CABCOCO1: variants seen among roughly 807,000 people sequenced by gnomAD.
CABCOCO1 encodes ciliary associated calcium binding coiled-coil 1.
A neutral mutation model predicts 35.7 loss-of-function variants in CABCOCO1; 28 were observed. The observed-to-expected ratio is 0.78, with a 90% CI of 0.58 to 1.07. The LOEUF (loss-of-function observed/expected upper bound fraction) is 1.07, where lower values mean the gene tolerates loss of function less well. Among genes scored for constraint, CABCOCO1 ranks in the 50% least tolerant of loss-of-function variants. The probability of loss-of-function intolerance (pLI) is 0.00; values close to 1 mark genes in which losing one functional copy is unlikely to be tolerated. For synonymous variants in CABCOCO1, 95 were observed against 100.1 expected, an observed-to-expected ratio of 0.95 and a Z score of 0.30; for missense variants, 326 against 309.2, an observed-to-expected ratio of 1.05 and a Z score of -0.41.
At chr10:61,695,357 GT>G (rs1840267970) in intron 5 of CABCOCO1, among the ~76,000 whole-genome samples, 1 of 151,824 alleles carries the variant, frequency 6.6e-6, no homozygotes, top group Non-Finnish European at 1.5e-5. Context: ...CAGAAACTGG[GT>G]AAGAGAGTAT....
intron 3 of CABCOCO1, among the ~76,000 whole-genome samples, chr10:61,681,671 C>A (rs1351572470): frequency 6.6e-6 from 1 of 152,008 alleles, no homozygotes; most frequent in Non-Finnish European, 1.5e-5. Flanking sequence ...TTAGCTATCT[C>A]TAAAATAGAA....
At chr10:61,667,135 C>G (rs1447193532) in intron 1 of CABCOCO1, among the ~76,000 whole-genome samples, 2 of 140,584 alleles carry the variant, frequency 1.4e-5, no homozygotes, top group African/African-American at 5.2e-5. Flanking sequence ...ATATACATTT[C>G]ATATGTATAT....
chr10:61,714,058 T>G (rs1231406173), intron 5 of CABCOCO1, among the ~76,000 whole-genome samples: 1 of 152,214 alleles, frequency 6.6e-6, no homozygotes, highest in Non-Finnish European at 1.5e-5. Flanking sequence ...TCTTTTTCTA[T>G]TGATTGGAAT....
chr10:61,726,766 A>C (rs1841160150), intron 5 of CABCOCO1, among the ~76,000 whole-genome samples: 1 of 151,988 alleles, frequency 6.6e-6, no homozygotes. Context: ...ACTTGTATAA[A>C]TTATAATAAG....
At chr10:61,742,137 G>A (rs960449200) in intron 5 of CABCOCO1, among the ~76,000 whole-genome samples, 10 of 152,252 alleles carry the variant, frequency 6.6e-5, no homozygotes, top group South Asian at 4.2e-4. Flanking sequence ...GGTGCAAAGA[G>A]TGAGCGAAAG....
At chr10:61,750,146 T>C (rs1305129273) in intron 5 of CABCOCO1, among the ~76,000 whole-genome samples, 1 of 152,168 alleles carries the variant, frequency 6.6e-6, no homozygotes, top group Non-Finnish European at 1.5e-5. Flanking sequence ...AGGCAACTTA[T>C]CAGCCCTCCT....
chr10:61,682,889 C>CTTTTCTTTT (rs1554821782), intron 3 of CABCOCO1, among the ~76,000 whole-genome samples: 1 of 128,182 alleles, frequency 7.8e-6, no homozygotes, highest in Non-Finnish European at 1.6e-5. Context: ...ACATGAATTT[C>CTTTTCTTTT]TTTTTTTTTT....
At chr10:61,666,449 G>T (rs1839175322) in intron 1 of CABCOCO1, among the ~76,000 whole-genome samples, 1 of 152,182 alleles carries the variant, frequency 6.6e-6, no homozygotes, top group African/African-American at 2.4e-5. Flanking sequence ...CAACATGTGA[G>T]TACATGGTAG....
Position 61,686,066 on chromosome 10 carries a change from C to T in CABCOCO1, c.360C>T (p.Ser120=), listed in dbSNP as rs774678772. ...CACTACATATGTCCTTAGAGGAAAG[C>T]ATAAAATGGCTTGGAGAAGTTATGG... ...LKTLHMSLEE[S]IKWLGEVMAE... is the part of the protein sequence containing the mutation. The change falls in exon 4 of 8, where the codon AGC becomes AGT. Residue 120 remains serine (S), a synonymous_variant. Transcript: ENST00000648843. 3 of 1,606,252 alleles carry T rather than the reference C, an allele frequency of 1.9e-6. No individual in the cohort carries two copies. Among genetic ancestry groups the T allele is most frequent in the Admixed American group, 1.7e-5 (1 of 57,772 alleles).
intron 5 of CABCOCO1, among the ~76,000 whole-genome samples, chr10:61,720,914 A>ATTTT (rs1840992456): frequency 1.7e-5 from 1 of 60,284 alleles, no homozygotes; most frequent in Non-Finnish European, 4.0e-5. Context: ...TTTTCTTTTC[A>ATTTT]TTCTTTTTTT....
intron 1 of CABCOCO1, among the ~76,000 whole-genome samples, chr10:61,671,612 T>C (rs1839362802): frequency 6.6e-6 from 1 of 152,190 alleles, no homozygotes; most frequent in Non-Finnish European, 1.5e-5. Context: ...TCCCCTCTTT[T>C]AGGCCCCCAT....
At chr10:61,684,307 A>G (rs1352817574) in intron 3 of CABCOCO1, among the ~76,000 whole-genome samples, 4 of 152,350 alleles carry the variant, frequency 2.6e-5, no homozygotes, top group South Asian at 2.1e-4. Flanking sequence ...TCTAATTCCT[A>G]TAAGTAGATA....
intron 2 of CABCOCO1, among the ~76,000 whole-genome samples, chr10:61,680,476 T>A (rs372485416): frequency 8.0e-6 from 1 of 124,738 alleles, no homozygotes; most frequent in African/African-American, 3.1e-5. Flanking sequence ...TAATATATAT[T>A]TATATATATA....
At chr10:61,707,699 G>C (rs1840627756) in intron 5 of CABCOCO1, among the ~76,000 whole-genome samples, 1 of 152,118 alleles carries the variant, frequency 6.6e-6, no homozygotes, top group African/African-American at 2.4e-5. Context: ...ATCACTAAAT[G>C]AATCTTCAGT....
chr10:61,665,609 CG>C (rs1297204879), intron 1 of CABCOCO1, among the ~76,000 whole-genome samples: 14 of 152,094 alleles, frequency 9.2e-5, no homozygotes, highest in Middle Eastern at 3.4e-3. Context: ...TAGGGAAGGC[CG>C]GGCGCGGTGG....
At chr10:61,671,754 C>G (rs141590643) in intron 1 of CABCOCO1, among the ~76,000 whole-genome samples, 83 of 152,216 alleles carry the variant, frequency 5.5e-4, no homozygotes, top group African/African-American at 1.8e-3. Context: ...TTTCCTTCAC[C>G]CTCCAGTAGA....
At chr10:61,747,131 T>TTA (rs1841680259) in intron 5 of CABCOCO1, among the ~76,000 whole-genome samples, 1 of 152,178 alleles carries the variant, frequency 6.6e-6, no homozygotes, top group Non-Finnish European at 1.5e-5. Flanking sequence ...AATAAATTAG[T>TTA]TATAATGTTG....
At chr10:61,742,632 T>C (rs1841573621) in intron 5 of CABCOCO1, among the ~76,000 whole-genome samples, 1 of 152,178 alleles carries the variant, frequency 6.6e-6, no homozygotes, top group Non-Finnish European at 1.5e-5. Flanking sequence ...CCCTGTCTTA[T>C]AGGATTATCA....
chr10:61,721,847 C>T (rs887438135), intron 5 of CABCOCO1, among the ~76,000 whole-genome samples: 4 of 152,092 alleles, frequency 2.6e-5, no homozygotes, highest in African/African-American at 9.7e-5. Flanking sequence ...GAATCAACAC[C>T]TGTGAAGAGA....
Sources: gnomAD v4.1 joint callset for allele counts (sites outside exome capture counted in the v4.1 genomes callset) on GRCh38, gnomAD v4.1.1 for gene constraint, MANE v1.5 for transcripts, NCBI Gene and HGNC (gene_info 2026-07-23, HGNC 2026-07-21) for gene names.